The following MARCHF4 variants were observed in gnomAD, a reference collection of about 807,000 sequenced individuals.
MARCHF4 encodes the protein membrane associated ring-CH-type finger 4.
MARCHF4 carries 14 observed loss-of-function variants against 43.9 expected under a neutral mutation model. That is an observed-to-expected ratio of 0.32 (90% CI 0.21 to 0.50). The LOEUF is 0.50. Ranked by LOEUF, MARCHF4 falls within the 20% of genes least tolerant of loss-of-function variation. The pLI, the probability that MARCHF4 is intolerant of heterozygous loss-of-function variation, is 0.98. For missense variants in MARCHF4, 468 were observed against 536.7 expected (o/e 0.87, Z 1.27); for synonymous variants, 226 against 213.3 (o/e 1.06, Z -0.52).
chr2:216,277,761 G>A lies in MARCHF4; in HGVS notation c.776C>T (p.Thr259Ile). ...IASISWLIWS[T>I]FSPSARWQRQ... is the part of the protein sequence containing the mutation. ...CTGCCATCTTGCCGAGGGGCTGAAA[G>A]TTGACCAGATGAGCCAAGAAATACT... The change falls in exon 3 of 4, where the codon ACT becomes ATT. Residue 259 changes from threonine (T) to isoleucine (I), a missense_variant. Physicochemically the swap from Thr to Ile is moderately conservative, Grantham distance 89 (BLOSUM62 -1). Around this residue, in one of 3 missense-constraint regions of MARCHF4, gnomAD observed 158 missense variants for 251.1 expected, o/e 0.63. Transcript: ENST00000273067. 1.2e-6 allele frequency: 2 copies of A among 1,614,230 alleles called. No individual in the cohort carries two copies. The highest frequency in any genetic ancestry group is 1.7e-6 in the Non-Finnish European group (2 of 1,180,028).
intron 1 of MARCHF4, among the ~76,000 whole-genome samples, chr2:216,341,873 C>T (rs1273679953): frequency 1.3e-5 from 2 of 152,164 alleles, no homozygotes; most frequent in African/African-American, 4.8e-5. Flanking sequence ...TCCCAGATAG[C>T]AGCTGCTCAC....
chr2:216,301,627 T>C (rs79451850), intron 1 of MARCHF4, among the ~76,000 whole-genome samples: 7,563 of 152,278 alleles, frequency 0.05, 609 homozygotes, highest in African/African-American at 0.17. Flanking sequence ...GTTCTCATGG[T>C]AATGAGTATG....
chr2:216,313,897 A>T (rs1413769710), intron 1 of MARCHF4, among the ~76,000 whole-genome samples: 2 of 152,214 alleles, frequency 1.3e-5, no homozygotes, highest in African/African-American at 4.8e-5. Context: ...GCATTATGGG[A>T]AGCACTTAGG....
At chr2:216,359,795 C>T (rs1692549876) in intron 1 of MARCHF4, among the ~76,000 whole-genome samples, 1 of 152,228 alleles carries the variant, frequency 6.6e-6, no homozygotes, top group Admixed American at 6.5e-5. Context: ...AGCAAGAAAC[C>T]TGTACTTCTT....
Position 216,263,556 on chromosome 2 carries a change from A to AGAGAGAGAG in MARCHF4, c.866-3878_866-3877insCTCTCTCTC, listed in dbSNP as rs1326419555. 8.7e-4 allele frequency among the ~76,000 whole-genome samples: 131 copies of AGAGAGAGAG among 151,290 alleles called. 1 individual carries two copies. Among genetic ancestry groups the AGAGAGAGAG allele is most frequent in the African/African-American group, 3.0e-3 (125 of 41,228 alleles). Reference sequence around the variant, plus strand: ...GAGAGAGAAAGAGAGAGAGAGAAAGAAGAAAAAGAAAGAAAGAAAGAGAAA... The same window carrying AGAGAGAGAG: ...GAGAGAGAAAGAGAGAGAGAGAAAGAGAGAGAGAGAGAAAAAGAAAGAAAGAAAGAGAAA... On this transcript the variant is annotated intron_variant, in intron 3 of 3. Transcript: ENST00000273067.
chr2:216,357,458 C>A (rs1424880588), intron 1 of MARCHF4, among the ~76,000 whole-genome samples: 1 of 152,160 alleles, frequency 6.6e-6, no homozygotes, highest in Non-Finnish European at 1.5e-5. Context: ...GTAGCTGGGA[C>A]CACAGGCTTG....
chr2:216,287,473 A>G lies in MARCHF4; in HGVS notation c.517-3744T>C, dbSNP rs560335756. ...TCTGCTCAGAGTGCTGGGGCCAGAG[A>G]CTGCCCTGGGAATGACTAAAACAAG... On this transcript the variant is annotated intron_variant, in intron 1 of 3. Coordinates refer to ENST00000273067, the MANE Select transcript of MARCHF4 (RefSeq NM_020814.3). 3.3e-5 allele frequency among the ~76,000 whole-genome samples: 5 copies of G among 152,106 alleles called. No individual in the cohort carries two copies. The South Asian group carries it at 1.0e-3, about 32-fold the overall frequency.
intron 1 of MARCHF4, among the ~76,000 whole-genome samples, chr2:216,341,108 C>T (rs76207578): frequency 0.049 from 7,534 of 152,246 alleles, 249 homozygotes; most frequent in South Asian, 0.13. Context: ...TGGAACTATT[C>T]GGAGGAGGCA....
chr2:216,320,732 G>A (rs1226284139), intron 1 of MARCHF4, among the ~76,000 whole-genome samples: 9 of 143,232 alleles, frequency 6.3e-5, no homozygotes, highest in Admixed American at 2.2e-4. Context: ...GTGCAATGGC[G>A]CGATCTCGGC....
intron 1 of MARCHF4, among the ~76,000 whole-genome samples, chr2:216,330,965 G>A (rs1692074119): frequency 6.6e-6 from 1 of 150,976 alleles, no homozygotes; most frequent in Non-Finnish European, 1.5e-5. Flanking sequence ...AGAAGGAAGG[G>A]AATCATAAAA....
chr2:216,350,196 C>T (rs991879743), intron 1 of MARCHF4, among the ~76,000 whole-genome samples: 4 of 151,220 alleles, frequency 2.6e-5, no homozygotes, highest in Non-Finnish European at 4.4e-5. Flanking sequence ...CACAAACATG[C>T]TACGCCACTG....
At chr2:216,268,081 T>G (rs921293231) in intron 3 of MARCHF4, among the ~76,000 whole-genome samples, 1 of 152,222 alleles carries the variant, frequency 6.6e-6, no homozygotes, top group Non-Finnish European at 1.5e-5. Context: ...CTACAGCTGC[T>G]GCTTCTCATG....
chr2:216,356,744 C>T (rs568036820), intron 1 of MARCHF4, among the ~76,000 whole-genome samples: 4 of 152,082 alleles, frequency 2.6e-5, no homozygotes, highest in Admixed American at 6.6e-5. Flanking sequence ...AAAAATAGGC[C>T]GGGCGTAGTG....
At chr2:216,301,765 T>G (rs2105949891) in intron 1 of MARCHF4, among the ~76,000 whole-genome samples, 1 of 152,286 alleles carries the variant, frequency 6.6e-6, no homozygotes, top group South Asian at 2.1e-4. Flanking sequence ...ATGCATGTGG[T>G]TTTTGGAGAA....
chr2:216,295,844 A>G (rs995238693), intron 1 of MARCHF4, among the ~76,000 whole-genome samples: 1 of 152,180 alleles, frequency 6.6e-6, no homozygotes, highest in Non-Finnish European at 1.5e-5. Flanking sequence ...AAGGGGAGGA[A>G]AGAACAAAAC....
At chr2:216,362,048 G>A (rs1010197) in intron 1 of MARCHF4, among the ~76,000 whole-genome samples, 48,988 of 151,996 alleles carry the variant, frequency 0.32, 8,110 homozygotes, top group East Asian at 0.51. Context: ...TGCTGGGAAG[G>A]GCCCCAAATG....
intron 1 of MARCHF4, among the ~76,000 whole-genome samples, chr2:216,313,192 G>A (rs1165449188): frequency 1.3e-5 from 2 of 152,038 alleles, no homozygotes; most frequent in African/African-American, 2.4e-5. Flanking sequence ...TTTGTTGTAG[G>A]TATGTGGCTT....
intron 1 of MARCHF4, among the ~76,000 whole-genome samples, chr2:216,292,696 C>T (rs1691326642): frequency 6.6e-6 from 1 of 152,108 alleles, no homozygotes; most frequent in Non-Finnish European, 1.5e-5. Context: ...GTGATATTGA[C>T]CAACTATTTG....
intron 2 of MARCHF4, among the ~76,000 whole-genome samples, chr2:216,279,465 G>T (rs1270491679): frequency 6.6e-6 from 1 of 152,202 alleles, no homozygotes; most frequent in Non-Finnish European, 1.5e-5. Context: ...GATCAAATTT[G>T]GGAAGGTAGG....
Sources: allele counts gnomAD v4.1 joint callset (sites outside exome capture counted in the v4.1 genomes callset), GRCh38; gene constraint gnomAD v4.1.1; regional missense constraint gnomAD v4.1.1; transcripts MANE v1.5; gene names NCBI Gene and HGNC (gene_info 2026-07-23, HGNC 2026-07-21).